The following DYNC2I2 variants were observed in gnomAD, a reference collection of about 807,000 sequenced individuals.
DYNC2I2 encodes the protein cytoplasmic dynein 2 intermediate chain 2.
A neutral mutation model predicts 52.0 loss-of-function variants in DYNC2I2; 39 were observed. The ratio of observed to expected loss-of-function variants is 0.75; its 90% CI spans 0.58 to 0.98. The LOEUF (loss-of-function observed/expected upper bound fraction) is 0.98, where lower values mean the gene tolerates loss of function less well. DYNC2I2 is among the 50% of genes least tolerant of loss of function. The pLI is 0.00. For missense variants in DYNC2I2, 743 were observed against 728.4 expected (o/e 1.02, Z -0.23); for synonymous variants, 359 against 321.1 (o/e 1.12, Z -1.26).
At chr9:128,678,590 T>A in the DYNC2I2 span, among the ~76,000 whole-genome samples, 2 of 149,796 alleles carry the variant, frequency 1.3e-5, no homozygotes, top group African/African-American at 4.9e-5. Context: ...GCTTCCTGAG[T>A]AGCTGGAATG....
At chr9:128,665,164 G>C in the DYNC2I2 span, among the ~76,000 whole-genome samples, 1 of 149,712 alleles carries the variant, frequency 6.7e-6, no homozygotes, top group Admixed American at 6.7e-5. Context: ...ACAATTCTCC[G>C]GCCTCAGCCT....
At chr9:128,654,560 T>A (rs931319900) in intron 1 of DYNC2I2, among the ~76,000 whole-genome samples, 3 of 151,740 alleles carry the variant, frequency 2.0e-5, no homozygotes, top group African/African-American at 4.8e-5. Context: ...TGCACTGACC[T>A]TTTTTTCCCC....
upstream of DYNC2I2, among the ~76,000 whole-genome samples, chr9:128,657,143 C>G (rs2298038): frequency 6.6e-6 from 1 of 152,154 alleles, no homozygotes; most frequent in Non-Finnish European, 1.5e-5. Context: ...CCGAGAACCG[C>G]GCCACTCGAA....
At chr9:128,647,830 G>A (rs762194569) in intron 1 of DYNC2I2, among the ~76,000 whole-genome samples, 3 of 151,812 alleles carry the variant, frequency 2.0e-5, no homozygotes, top group South Asian at 2.1e-4. Context: ...TCAGAGAACA[G>A]TAATTACCAA....
At chr9:128,661,758 C>G (rs1439339099), upstream of DYNC2I2, among the ~76,000 whole-genome samples, 1 of 151,504 alleles carries the variant, frequency 6.6e-6, no homozygotes, top group African/African-American at 2.4e-5. Context: ...TGAAAAAAAG[C>G]CGGCCGGGCT....
intron 2 of DYNC2I2, among the ~76,000 whole-genome samples, chr9:128,640,193 G>C (rs1860487016): frequency 6.6e-6 from 1 of 151,318 alleles, no homozygotes; most frequent in Non-Finnish European, 1.5e-5. Flanking sequence ...TGTATTTTTA[G>C]TAGAGACGGG....
At chr9:128,641,060 CCT>C in intron 1 of DYNC2I2, 121 bp from the exon 2 acceptor site, 2 of 1,420,636 alleles carry the variant, frequency 1.4e-6, no homozygotes, top group Non-Finnish European at 9.2e-7. Flanking sequence ...AGGCTAGGGG[CCT>C]CTCTCAGTGA....
the DYNC2I2 span, among the ~76,000 whole-genome samples, chr9:128,662,174 A>G: frequency 9.3e-5 from 14 of 150,648 alleles, no homozygotes; most frequent in Admixed American, 2.0e-4. Flanking sequence ...CGGAGGTTGC[A>G]GTGAGCCGAG....
chr9:128,665,646 C>T, the DYNC2I2 span, among the ~76,000 whole-genome samples: 8 of 151,530 alleles, frequency 5.3e-5, no homozygotes, highest in Non-Finnish European at 7.4e-5. Flanking sequence ...GGCACACGCC[C>T]GTAATCCCAC....
chr9:128,661,317 AAAAAAAC>A (rs997004208), upstream of DYNC2I2, among the ~76,000 whole-genome samples: 1 of 151,044 alleles, frequency 6.6e-6, no homozygotes, highest in Non-Finnish European at 1.5e-5. Flanking sequence ...AAAAAAAAAA[AAAAAAAC>A]AAAAAGAAAA....
chr9:128,668,478 G>GTCA, the DYNC2I2 span, among the ~76,000 whole-genome samples: 1 of 151,686 alleles, frequency 6.6e-6, no homozygotes, highest in Admixed American at 6.6e-5. Flanking sequence ...TCACGATTGT[G>GTCA]TCATCACACT....
At chr9:128,653,712 T>C (rs1242671990) in intron 1 of DYNC2I2, among the ~76,000 whole-genome samples, 1 of 143,020 alleles carries the variant, frequency 7.0e-6, no homozygotes, top group Non-Finnish European at 1.5e-5. Context: ...CGAGACTCTG[T>C]CTCCAAAAAA....
the DYNC2I2 span, among the ~76,000 whole-genome samples, chr9:128,662,570 A>G: frequency 6.7e-6 from 1 of 149,444 alleles, no homozygotes; most frequent in African/African-American, 2.5e-5. Flanking sequence ...GCCACCATTC[A>G]TGGCTAATTT....
the DYNC2I2 span, among the ~76,000 whole-genome samples, chr9:128,667,483 G>A: frequency 1.3e-5 from 2 of 150,694 alleles, no homozygotes; most frequent in African/African-American, 2.4e-5. Context: ...CCGCCACCAC[G>A]CCCGGCTAAT....
chr9:128,634,475 G>A, intron 7 of DYNC2I2, 92 bp from the exon 8 acceptor site: 1 of 1,485,620 alleles, frequency 6.7e-7, no homozygotes, highest in South Asian at 1.4e-5. Flanking sequence ...GGGCTGCCAG[G>A]CTCGTGAAGA....
At chr9:128,654,374 T>C (rs1214009183) in intron 1 of DYNC2I2, among the ~76,000 whole-genome samples, 3 of 152,146 alleles carry the variant, frequency 2.0e-5, no homozygotes, top group Non-Finnish European at 2.9e-5. Flanking sequence ...CAGCACCCAA[T>C]GCTGCTCATT....
chr9:128,647,309 C>T (rs541209609), intron 1 of DYNC2I2, among the ~76,000 whole-genome samples: 2 of 152,280 alleles, frequency 1.3e-5, no homozygotes, highest in Admixed American at 6.5e-5. Flanking sequence ...GAGGGTAAGG[C>T]TCCAATAAGC....
At chr9:128,635,849 T>G in intron 4 of DYNC2I2, 82 bp from the exon 5 acceptor site, 1 of 1,352,354 alleles carries the variant, frequency 7.4e-7, no homozygotes, top group Non-Finnish European at 1.0e-6. Context: ...CCAGCCCACC[T>G]ACAGGGCCAG....
chr9:128,635,163 C>T lies in DYNC2I2; in HGVS notation c.910G>A (p.Gly304Ser). Residue 304 changes from glycine (G) to serine (S), a missense_variant, in exon 6 of 9, where the codon GGC becomes AGC. Transcript: ENST00000372715. ...KVLLWQGIGV[G>S]QLQLTEGFAL... ...AAGCCCTCTGTGAGCTGCAGCTGGC[C>T]TACCCCGATGCCCTGCCAGAGTAGC... 1 of 1,613,502 alleles carries T rather than the reference C, an allele frequency of 6.2e-7. No homozygotes were observed.
Sources: allele counts gnomAD v4.1 joint callset (sites outside exome capture counted in the v4.1 genomes callset), GRCh38; gene constraint gnomAD v4.1.1; transcripts MANE v1.5; gene names NCBI Gene and HGNC (gene_info 2026-07-23, HGNC 2026-07-21).